Variants in PTPRD observed in about 807,000 individuals in gnomAD.
PTPRD encodes the protein protein tyrosine phosphatase receptor type D.
In PTPRD, 34 loss-of-function variants were observed where a neutral mutation model predicts 214.5. The observed-to-expected ratio is 0.16, with a 90% CI of 0.12 to 0.21. The LOEUF is 0.21. Ranked by LOEUF, PTPRD falls within the 10% of genes least tolerant of loss-of-function variation. PTPRD has a pLI of 1.00. For synonymous variants in PTPRD, 1,128 were observed against 845.7 expected (o/e 1.33, Z -5.79); for missense variants, 2,545 against 2,398.7 (o/e 1.06, Z -1.27).
At chr9:10,145,461 TA>T (rs2099015850) in intron 3 of PTPRD, among the ~76,000 whole-genome samples, 1 of 152,258 alleles carries the variant, frequency 6.6e-6, no homozygotes, top group African/African-American at 2.4e-5. Context: ...ATTGTAAACG[TA>T]TTTTCTCTTA....
intron 9 of PTPRD, among the ~76,000 whole-genome samples, chr9:9,287,534 G>A (rs894095014): frequency 5.9e-5 from 9 of 151,710 alleles, no homozygotes; most frequent in Non-Finnish European, 1.3e-4. Context: ...TATCATTTAC[G>A]GCAGAATTAT....
At chr9:8,600,869 T>C (rs2094815259) in intron 14 of PTPRD, among the ~76,000 whole-genome samples, 1 of 151,922 alleles carries the variant, frequency 6.6e-6, no homozygotes, top group Admixed American at 6.6e-5. Context: ...CTGCTTCTGC[T>C]TGAGAAAAGC....
chr9:8,401,269 AC>A (rs2092348412), intron 36 of PTPRD, among the ~76,000 whole-genome samples: 2 of 151,100 alleles, frequency 1.3e-5, no homozygotes, highest in Non-Finnish European at 2.9e-5. Context: ...GGCTCAAGCA[AC>A]CCTCCCACCT....
chr9:9,922,895 C>A (rs1352040733), intron 5 of PTPRD, among the ~76,000 whole-genome samples: 3 of 151,892 alleles, frequency 2.0e-5, no homozygotes, highest in African/African-American at 7.3e-5. Context: ...GGACTCCATG[C>A]TGGAGGAAAA....
At chr9:10,004,668 G>A (rs1007333361) in intron 4 of PTPRD, among the ~76,000 whole-genome samples, 9 of 151,710 alleles carry the variant, frequency 5.9e-5, no homozygotes, top group African/African-American at 1.9e-4. Context: ...TAAACATAAC[G>A]TTTTTAGATA....
chr9:9,130,658 T>A (rs1367660343), intron 10 of PTPRD, among the ~76,000 whole-genome samples: 1 of 152,198 alleles, frequency 6.6e-6, no homozygotes, highest in Non-Finnish European at 1.5e-5. Context: ...ACTGAATCTC[T>A]ACATATGTAT....
intron 12 of PTPRD, among the ~76,000 whole-genome samples, chr9:8,727,587 TCTAACC>T (rs1261968287): frequency 6.8e-4 from 104 of 152,336 alleles, no homozygotes; most frequent in Admixed American, 6.7e-3. Context: ...CTAAAGGGAC[TCTAACC>T]AAAGAACTAG....
chr9:9,403,290 C>CAAAAAAAAAA (rs56105335), intron 8 of PTPRD, among the ~76,000 whole-genome samples: 1 of 60,658 alleles, frequency 1.6e-5, no homozygotes, highest in African/African-American at 7.4e-5. Context: ...TACTCTGTCT[C>CAAAAAAAAAA]AAAAAAAAAA....
At chr9:9,492,070 A>G (rs2095930331) in intron 8 of PTPRD, among the ~76,000 whole-genome samples, 1 of 151,894 alleles carries the variant, frequency 6.6e-6, no homozygotes, top group Non-Finnish European at 1.5e-5. Flanking sequence ...CATTATCACC[A>G]ATTATACAGA....
At chr9:10,052,756 C>A (rs1396144151) in intron 3 of PTPRD, among the ~76,000 whole-genome samples, 2 of 151,990 alleles carry the variant, frequency 1.3e-5, no homozygotes, top group African/African-American at 4.8e-5. Context: ...TATCGAAATT[C>A]TTTCTTTCTT....
At chr9:8,813,109 C>G (rs1452519214) in intron 11 of PTPRD, among the ~76,000 whole-genome samples, 1 of 152,066 alleles carries the variant, frequency 6.6e-6, no homozygotes, top group Non-Finnish European at 1.5e-5. Flanking sequence ...AAAGTGTCAG[C>G]TTTAGAGGGA....
At chr9:10,073,446 T>C (rs938876847) in intron 3 of PTPRD, among the ~76,000 whole-genome samples, 34 of 152,092 alleles carry the variant, frequency 2.2e-4, no homozygotes, top group Admixed American at 1.7e-3. Flanking sequence ...TACAGAGACA[T>C]GATAATGAAA....
chr9:9,871,333 G>A (rs140989080), intron 5 of PTPRD, among the ~76,000 whole-genome samples: 3 of 152,140 alleles, frequency 2.0e-5, no homozygotes, highest in Non-Finnish European at 4.4e-5. Context: ...GAAATCCATT[G>A]ACACAAAATC....
chr9:9,083,520 A>C (rs2099762254), intron 10 of PTPRD, among the ~76,000 whole-genome samples: 1 of 152,182 alleles, frequency 6.6e-6, no homozygotes, highest in Non-Finnish European at 1.5e-5. Context: ...AAAACATCAA[A>C]GCAATAGCAA....
intron 12 of PTPRD, among the ~76,000 whole-genome samples, chr9:8,696,612 G>A (rs2097915873): frequency 6.6e-6 from 1 of 152,150 alleles, no homozygotes. Flanking sequence ...AGGTTAGACG[G>A]AGAAAGAATT....
intron 2 of PTPRD, among the ~76,000 whole-genome samples, chr9:10,594,552 A>G (rs974757196): frequency 6.6e-6 from 1 of 152,034 alleles, no homozygotes; most frequent in Non-Finnish European, 1.5e-5. Flanking sequence ...AATGCCTTCA[A>G]TAAAATGCTA....
In PTPRD at chr9:8,535,659, G is replaced by C. The variant is rs1253560872; in HGVS notation, c.353-6880C>G. On this transcript the variant is annotated intron_variant, in intron 14 of 45. Coordinates refer to ENST00000381196, the MANE Select transcript of PTPRD (RefSeq NM_002839.4). ...CTTGGGGAGTAGGTCATGTTAAGAA[G>C]GCTATATGGCTTTCTTAAAGAAAAT... 2.0e-5 allele frequency among the ~76,000 whole-genome samples: 3 copies of C among 151,844 alleles called. No individual in the cohort carries two copies. The Admixed American group carries it at 2.0e-4, about 10-fold the overall frequency.
chr9:8,539,690 G>A lies in PTPRD; in HGVS notation c.353-10911C>T, dbSNP rs188587403. 6.8e-3 allele frequency among the ~76,000 whole-genome samples: 1,039 copies of A among 151,912 alleles called. 6 individuals are homozygous for A. Among genetic ancestry groups the A allele is most frequent in the Non-Finnish European group, 0.011 (747 of 67,902 alleles). On this transcript the variant is annotated intron_variant, in intron 14 of 45. Transcript: ENST00000381196. ...TGGAAAAGAGTCACAACCTAAATAT[G>A]ACCACCAGTAAACATCAGCAAAACC...
At position 8,460,212 on chromosome 9, in the gene PTPRD, C is replaced by T. The variant is rs184362166; in HGVS notation, c.3875+199G>A. 2.5e-5 allele frequency: 17 copies of T among 690,434 alleles called. No homozygotes were observed. The East Asian group carries it at 4.6e-4, about 19-fold the overall frequency. The allele number at this position is 690,434 out of a possible 1,614,324, so 42.8% of individuals were successfully genotyped here. On this transcript the variant is annotated intron_variant, in intron 33 of 45. Coordinates refer to ENST00000381196, the MANE Select transcript of PTPRD (RefSeq NM_002839.4). ...GCATGTTGGACAACAGAAGTCTATA[C>T]CAAAACTGAATAAGATTCCAAATAG... is the stretch of plus-strand genomic sequence containing the variant.
Sources: gnomAD v4.1 joint callset for allele counts (sites outside exome capture counted in the v4.1 genomes callset) on GRCh38, gnomAD v4.1.1 for gene constraint, MANE v1.5 for transcripts, NCBI Gene and HGNC (gene_info 2026-07-23, HGNC 2026-07-21) for gene names.